Variants in SKAP1 observed in about 807,000 individuals in gnomAD.
The protein encoded by SKAP1 is src kinase-associated phosphoprotein 1.
Under a neutral mutation model 58.5 loss-of-function variants are expected in SKAP1, and 44 were observed. That is an observed-to-expected ratio of 0.75 (90% CI 0.59 to 0.97). The LOEUF is 0.97. Among genes scored for constraint, SKAP1 ranks in the 50% least tolerant of loss-of-function variants. SKAP1 has a pLI of 0.00. For missense variants in SKAP1, 390 were observed against 435.2 expected (o/e 0.90, Z 0.92); for synonymous variants, 127 against 149.7 (o/e 0.85, Z 1.11).
chr17:48,268,434 G>A (rs1324949371), intron 4 of SKAP1, among the ~76,000 whole-genome samples: 2 of 152,138 alleles, frequency 1.3e-5, no homozygotes, highest in Non-Finnish European at 2.9e-5. Context: ...GAGCTGCTGC[G>A]GAAAATACTT....
chr17:48,186,571 C>T (rs185260824), intron 6 of SKAP1, among the ~76,000 whole-genome samples: 223 of 152,132 alleles, frequency 1.5e-3, no homozygotes, highest in African/African-American at 5.1e-3. Context: ...CCACAACCTC[C>T]ACCTCCTGGG....
At chr17:48,271,942 TA>T (rs1024342478) in intron 4 of SKAP1, among the ~76,000 whole-genome samples, 13 of 151,840 alleles carry the variant, frequency 8.6e-5, no homozygotes, top group African/African-American at 2.7e-4. Context: ...ATCCCTCTTT[TA>T]AAAAAAACAT....
At chr17:48,334,293 A>G (rs2066540181) in intron 4 of SKAP1, among the ~76,000 whole-genome samples, 1 of 152,032 alleles carries the variant, frequency 6.6e-6, no homozygotes, top group African/African-American at 2.4e-5. Context: ...TAATTAATAA[A>G]TTCTGTTTTA....
intron 1 of SKAP1, among the ~76,000 whole-genome samples, chr17:48,423,106 C>A (rs1466295765): frequency 2.6e-5 from 4 of 152,138 alleles, no homozygotes; most frequent in Non-Finnish European, 5.9e-5. Context: ...TATTAAAAGG[C>A]CTTCCTGGCA....
At chr17:48,369,176 AATAT>A (rs958464384) in intron 2 of SKAP1, among the ~76,000 whole-genome samples, 4 of 150,720 alleles carry the variant, frequency 2.7e-5, no homozygotes, top group Non-Finnish European at 4.4e-5. Context: ...TAAATAAATA[AATAT>A]AAAATAAAGA....
the SKAP1 span, among the ~76,000 whole-genome samples, chr17:48,436,390 C>G: frequency 6.6e-6 from 1 of 152,088 alleles, no homozygotes; most frequent in Non-Finnish European, 1.5e-5. Context: ...TACCCGGCCT[C>G]TATTCTTAAA....
chr17:48,419,273 A>G (rs1212558584), intron 1 of SKAP1, among the ~76,000 whole-genome samples: 1 of 151,866 alleles, frequency 6.6e-6, no homozygotes, highest in Non-Finnish European at 1.5e-5. Context: ...TATGAGAAAG[A>G]AAAGAATTTG....
chr17:48,233,207 G>A (rs1293253257), intron 4 of SKAP1, among the ~76,000 whole-genome samples: 3 of 152,130 alleles, frequency 2.0e-5, no homozygotes, highest in African/African-American at 7.2e-5. Context: ...CACAATCTGG[G>A]GAGGTCACCA....
chr17:48,234,933 T>A (rs2065163608), intron 4 of SKAP1, among the ~76,000 whole-genome samples: 1 of 152,258 alleles, frequency 6.6e-6, no homozygotes, highest in Admixed American at 6.5e-5. Flanking sequence ...CTTGGTTTTA[T>A]GTTTTGAGAA....
intron 4 of SKAP1, among the ~76,000 whole-genome samples, chr17:48,225,491 G>T (rs2065057631): frequency 6.6e-6 from 1 of 152,140 alleles, no homozygotes; most frequent in Non-Finnish European, 1.5e-5. Flanking sequence ...CACTCTTTGG[G>T]AGAAAAGGAT....
intron 4 of SKAP1, among the ~76,000 whole-genome samples, chr17:48,297,147 A>C (rs1211804002): frequency 6.6e-6 from 1 of 152,162 alleles, no homozygotes; most frequent in Non-Finnish European, 1.5e-5. Flanking sequence ...TGATTCCATG[A>C]CCTAAATAGA....
chr17:48,183,561 G>T (rs2064399078), intron 7 of SKAP1, among the ~76,000 whole-genome samples: 1 of 152,066 alleles, frequency 6.6e-6, no homozygotes, highest in African/African-American at 2.4e-5. Context: ...CTTATTAATA[G>T]ACATTGTTAT....
chr17:48,398,362 T>C (rs1302330663), intron 1 of SKAP1, among the ~76,000 whole-genome samples: 4 of 152,170 alleles, frequency 2.6e-5, no homozygotes, highest in South Asian at 2.1e-4. Flanking sequence ...CACTGACTCC[T>C]GTCACTCCCA....
upstream of SKAP1, among the ~76,000 whole-genome samples, chr17:48,434,680 G>A (rs1399068063): frequency 6.6e-6 from 1 of 152,076 alleles, no homozygotes; most frequent in Non-Finnish European, 1.5e-5. Flanking sequence ...GCAAATTCAA[G>A]ATAAGGAACA....
chr17:48,422,211 A>G (rs2067802941), intron 1 of SKAP1, among the ~76,000 whole-genome samples: 1 of 152,142 alleles, frequency 6.6e-6, no homozygotes, highest in Non-Finnish European at 1.5e-5. Context: ...CTCCATCTCA[A>G]AACAAACAAA....
chr17:48,427,674 G>A (rs949128843), intron 1 of SKAP1, among the ~76,000 whole-genome samples: 3 of 150,760 alleles, frequency 2.0e-5, no homozygotes, highest in Middle Eastern at 3.2e-3. Flanking sequence ...ATTTATGCTT[G>A]TGTAGTTATA....
In SKAP1 at chr17:48,255,154, G is replaced by A. The variant is rs1424435613; in HGVS notation, c.281-65654C>T. On this transcript the variant is annotated intron_variant, in intron 4 of 12. Coordinates refer to ENST00000336915, the MANE Select transcript of SKAP1 (RefSeq NM_003726.4). ...CTTGGTGAAGAAAGGAAGAGGAAAA[G>A]AGTCTGAAACCTCTTATTGGGCTTA... is the stretch of plus-strand genomic sequence containing the variant. 3.9e-5 allele frequency among the ~76,000 whole-genome samples: 6 copies of A among 152,162 alleles called. No homozygotes were observed. In the East Asian group the frequency reaches 1.2e-3, roughly 29 times the overall value.
intron 2 of SKAP1, among the ~76,000 whole-genome samples, chr17:48,383,868 C>T (rs1436611317): frequency 6.6e-6 from 1 of 151,906 alleles, no homozygotes; most frequent in Non-Finnish European, 1.5e-5. Context: ...AGGCGCCCGC[C>T]ATCATCATGC....
At chr17:48,418,264 T>C (rs767250917) in intron 1 of SKAP1, among the ~76,000 whole-genome samples, 21 of 152,188 alleles carry the variant, frequency 1.4e-4, no homozygotes, top group Non-Finnish European at 2.4e-4. Flanking sequence ...CGCTCCAGCC[T>C]GGACAACAGA....
Sources: allele counts gnomAD v4.1 joint callset (sites outside exome capture counted in the v4.1 genomes callset), GRCh38; gene constraint gnomAD v4.1.1; transcripts MANE v1.5; gene names NCBI Gene and HGNC (gene_info 2026-07-23, HGNC 2026-07-21).